AGBL1: variants seen among roughly 807,000 people sequenced by gnomAD.
AGBL1 encodes AGBL carboxypeptidase 1, also known as cytosolic carboxypeptidase 4.
In AGBL1, 130 loss-of-function variants were observed where a neutral mutation model predicts 118.9. The observed-to-expected ratio is 1.09, with a 90% CI of 0.95 to 1.26. The LOEUF is 1.26. AGBL1 is among the 50% of genes most tolerant of loss of function. The pLI, the probability that AGBL1 is intolerant of heterozygous loss-of-function variation, is 0.00. For synonymous variants in AGBL1, 555 were observed against 478.9 expected, an observed-to-expected ratio of 1.16 and a Z score of -2.08; for missense variants, 1,584 against 1,298.1, an observed-to-expected ratio of 1.22 and a Z score of -3.38.
At chr15:86,890,328 A>T (rs1274370478) in intron 22 of AGBL1, among the ~76,000 whole-genome samples, 1 of 152,192 alleles carries the variant, frequency 6.6e-6, no homozygotes, top group Non-Finnish European at 1.5e-5. Flanking sequence ...ATTGTCTCCC[A>T]TTCTGTAGGT....
At chr15:86,298,022 G>A (rs118150659) in intron 17 of AGBL1, among the ~76,000 whole-genome samples, 8 of 151,792 alleles carry the variant, frequency 5.3e-5, no homozygotes, top group Admixed American at 2.0e-4. Flanking sequence ...TGCTCACAAC[G>A]AATTTTATTT....
chr15:86,129,227 T>A (rs2076787657), intron 1 of AGBL1, among the ~76,000 whole-genome samples: 1 of 152,228 alleles, frequency 6.6e-6, no homozygotes, highest in Non-Finnish European at 1.5e-5. Flanking sequence ...TGGATATATC[T>A]ATAGAATGAA....
chr15:86,641,374 A>G (rs1166996478), intron 21 of AGBL1, among the ~76,000 whole-genome samples: 1 of 151,956 alleles, frequency 6.6e-6, no homozygotes, highest in Non-Finnish European at 1.5e-5. Context: ...AGAATATTGG[A>G]TAAAATGAAA....
rs573333090 is a variant in AGBL1 at position 86,247,214 on chromosome 15, C to T, written c.527-457C>T. On this transcript the variant is annotated intron_variant, in intron 6 of 22. Coordinates refer to ENST00000614907, the MANE Select transcript of AGBL1 (RefSeq NM_001386094.1). ...CAAAAGAAAAAATTGTTTGCTGGCC[C>T]AAGATTTAAACTATAATTACTTATT... 3.9e-5 allele frequency among the ~76,000 whole-genome samples: 6 copies of T among 152,268 alleles called. No individual in the cohort carries two copies. In the South Asian group the frequency reaches 1.0e-3, roughly 26 times the overall value.
intron 1 of AGBL1, among the ~76,000 whole-genome samples, chr15:86,127,266 ATTGT>A (rs1295368556): frequency 6.6e-6 from 1 of 152,124 alleles, no homozygotes; most frequent in African/African-American, 2.4e-5. Context: ...TCTTCTTGTT[ATTGT>A]TTGAGTTTTC....
At chr15:86,470,820 G>C (rs1046698599) in intron 18 of AGBL1, among the ~76,000 whole-genome samples, 1 of 151,336 alleles carries the variant, frequency 6.6e-6, no homozygotes, top group Non-Finnish European at 1.5e-5. Flanking sequence ...GATTTTGGGG[G>C]GATAGTTCTT....
At chr15:86,982,144 GC>G in intron 23 of AGBL1, among the ~76,000 whole-genome samples, 1 of 152,114 alleles carries the variant, frequency 6.6e-6, no homozygotes, top group African/African-American at 2.4e-5. Context: ...AAAAGTTACT[GC>G]CCTCAGAAAG....
intron 5 of AGBL1, among the ~76,000 whole-genome samples, chr15:86,213,764 C>A (rs574461479): frequency 6.6e-6 from 1 of 152,106 alleles, no homozygotes; most frequent in Non-Finnish European, 1.5e-5. Context: ...ATAAAAGATA[C>A]ATAACCTAAA....
At chr15:86,819,115 C>T (rs2078903635) in intron 22 of AGBL1, among the ~76,000 whole-genome samples, 1 of 151,692 alleles carries the variant, frequency 6.6e-6, no homozygotes, top group Non-Finnish European at 1.5e-5. Context: ...CATTTTTGTC[C>T]ACAGGGAGCA....
intron 22 of AGBL1, among the ~76,000 whole-genome samples, chr15:86,733,136 A>G (rs1461392735): frequency 1.3e-5 from 2 of 151,558 alleles, no homozygotes; most frequent in Middle Eastern, 3.4e-3. Flanking sequence ...CAATTATGGT[A>G]TCCAAGAAGT....
At chr15:86,700,738 TTTTC>T (rs1264536677) in intron 22 of AGBL1, among the ~76,000 whole-genome samples, 3 of 152,120 alleles carry the variant, frequency 2.0e-5, no homozygotes, top group African/African-American at 7.2e-5. Context: ...TAATCCTAAC[TTTTC>T]TTTTTCTGTG....
At chr15:86,154,391 T>C (rs1330508080) in intron 3 of AGBL1, 39 bp from the exon 4 acceptor site, 2 of 1,600,638 alleles carry the variant, frequency 1.2e-6, no homozygotes, top group Non-Finnish European at 1.7e-6. Flanking sequence ...CCAGAATCAA[T>C]GTGAAGTGCA....
At chr15:86,117,636 A>C (rs1204041319) in intron 1 of AGBL1, among the ~76,000 whole-genome samples, 1 of 152,246 alleles carries the variant, frequency 6.6e-6, no homozygotes. Flanking sequence ...TTAACACTTC[A>C]CGTGTGCACA....
intron 22 of AGBL1, among the ~76,000 whole-genome samples, chr15:86,902,783 C>G (rs1263742341): frequency 6.6e-6 from 1 of 152,126 alleles, no homozygotes; most frequent in Non-Finnish European, 1.5e-5. Flanking sequence ...ATTCTAATTG[C>G]TTTTCCCTAT....
At chr15:86,835,927 T>A (rs966044925) in intron 22 of AGBL1, among the ~76,000 whole-genome samples, 4 of 152,246 alleles carry the variant, frequency 2.6e-5, no homozygotes, top group Non-Finnish European at 4.4e-5. Flanking sequence ...TTCACACAGG[T>A]CTATGGGCCA....
At chr15:86,618,462 T>C (rs2084760352) in intron 21 of AGBL1, among the ~76,000 whole-genome samples, 1 of 152,146 alleles carries the variant, frequency 6.6e-6, no homozygotes, top group African/African-American at 2.4e-5. Context: ...TCAGACTCAT[T>C]TGGGGCTTTT....
intron 22 of AGBL1, among the ~76,000 whole-genome samples, chr15:86,774,310 T>TA (rs1273555457): frequency 6.6e-6 from 1 of 152,158 alleles, no homozygotes; most frequent in African/African-American, 2.4e-5. Context: ...ATCTGGCATA[T>TA]AATTACAATA....
intron 22 of AGBL1, among the ~76,000 whole-genome samples, chr15:86,742,236 A>C (rs12594400): frequency 0.012 from 1,872 of 152,182 alleles, 28 homozygotes; most frequent in East Asian, 0.069. Context: ...TCCTTTTTGT[A>C]CTTTTTATGA....
At chr15:86,790,266 G>A (rs997386126) in intron 22 of AGBL1, among the ~76,000 whole-genome samples, 9 of 151,954 alleles carry the variant, frequency 5.9e-5, no homozygotes, top group Non-Finnish European at 1.2e-4. Flanking sequence ...TTATCAACCT[G>A]AGGAAAGGAA....
Sources: gnomAD v4.1 joint callset for allele counts (sites outside exome capture counted in the v4.1 genomes callset) on GRCh38, gnomAD v4.1.1 for gene constraint, MANE v1.5 for transcripts, NCBI Gene and HGNC (gene_info 2026-07-23, HGNC 2026-07-21) for gene names.